Variants in DLGAP2 observed in about 807,000 individuals in gnomAD.
DLGAP2 encodes DLG associated protein 2, also known as disks large-associated protein 2.
A neutral mutation model predicts 100.3 loss-of-function variants in DLGAP2; 26 were observed. That is an observed-to-expected ratio of 0.26 (90% CI 0.19 to 0.36). The LOEUF (loss-of-function observed/expected upper bound fraction) is 0.36, where lower values mean the gene tolerates loss of function less well. DLGAP2 is among the 10% of genes least tolerant of loss of function. DLGAP2 has a pLI of 1.00. For missense variants in DLGAP2, 1,858 were observed against 1,453.2 expected, an observed-to-expected ratio of 1.28 and a Z score of -4.53; for synonymous variants, 886 against 630.1, an observed-to-expected ratio of 1.41 and a Z score of -6.08.
At chr8:1,571,750 G>T (rs1802699766) in intron 6 of DLGAP2, among the ~76,000 whole-genome samples, 1 of 139,936 alleles carries the variant, frequency 7.1e-6, no homozygotes, top group African/African-American at 2.8e-5. Context: ...GAGGAGAGAG[G>T]GTGAACTGTG....
chr8:1,375,043 G>T (rs1216282437), intron 3 of DLGAP2, among the ~76,000 whole-genome samples: 2 of 152,232 alleles, frequency 1.3e-5, no homozygotes, highest in Non-Finnish European at 2.9e-5. Context: ...CTGAGGTGCT[G>T]TTCATCTCCA....
chr8:1,036,204 A>G (rs1802117191), intron 2 of DLGAP2, among the ~76,000 whole-genome samples: 2 of 149,720 alleles, frequency 1.3e-5, no homozygotes, highest in Admixed American at 1.3e-4. Context: ...GTGGGTTCAC[A>G]GCCTCATCCC....
chr8:929,473 T>C (rs79446183), intron 2 of DLGAP2, among the ~76,000 whole-genome samples: 4 of 2,910 alleles, frequency 1.4e-3, no homozygotes, highest in African/African-American at 4.6e-3. Context: ...ATTCCCCCTC[T>C]AAACATCCCA....
chr8:1,442,265 C>T (rs1001204182), intron 3 of DLGAP2, among the ~76,000 whole-genome samples: 3 of 104,370 alleles, frequency 2.9e-5, no homozygotes, highest in Admixed American at 2.8e-4. Context: ...GCTGTGGGTT[C>T]AGCCACTGGA....
chr8:1,042,628 C>G (rs960692129), intron 2 of DLGAP2, among the ~76,000 whole-genome samples: 1 of 152,162 alleles, frequency 6.6e-6, no homozygotes. Context: ...CAGGGAAGGC[C>G]TCCACCCTGG....
chr8:1,354,164 C>G (rs1256792889), intron 3 of DLGAP2, among the ~76,000 whole-genome samples: 1 of 152,062 alleles, frequency 6.6e-6, no homozygotes, highest in Non-Finnish European at 1.5e-5. Context: ...CAGCATGAAC[C>G]GTTAAAAACA....
At chr8:1,522,451 A>G (rs1217341410) in intron 4 of DLGAP2, among the ~76,000 whole-genome samples, 2 of 152,206 alleles carry the variant, frequency 1.3e-5, no homozygotes, top group African/African-American at 2.4e-5. Flanking sequence ...CACGGGATCC[A>G]CAGTGCTGGG....
intron 2 of DLGAP2, among the ~76,000 whole-genome samples, chr8:1,037,204 C>T (rs560412839): frequency 3.3e-5 from 5 of 152,278 alleles, no homozygotes; most frequent in South Asian, 2.1e-4. Flanking sequence ...CGTCCCCTGC[C>T]GTCCTGTCCT....
intron 2 of DLGAP2, among the ~76,000 whole-genome samples, chr8:996,471 T>C (rs965909435): frequency 1.3e-5 from 2 of 152,022 alleles, no homozygotes; most frequent in Admixed American, 6.6e-5. Context: ...TGAAGGAACA[T>C]TGTGTTAGGG....
In DLGAP2 at chr8:1,701,286, C is replaced by T. The variant is rs768382902; in HGVS notation, c.3048C>T (p.Arg1016=). The change falls in exon 15 of 15, where the codon CGC becomes CGT. Residue 1016 remains arginine (R), a synonymous_variant. Transcript: ENST00000637795. ...EKSLDLPDRQ[R]QEARRRLMAA... is the part of the protein sequence containing the mutation. ...CCCTGGACCTGCCCGACAGACAACG[C>T]CAGGAAGCCCGGAGGCGCCTCATGG... 6.3e-7 allele frequency: 1 copy of T among 1,584,912 alleles called. No individual in the cohort carries two copies. The highest frequency in any genetic ancestry group is 8.6e-7 in the Non-Finnish European group (1 of 1,166,330).
chr8:752,736 C>T (rs576739787), intron 1 of DLGAP2, among the ~76,000 whole-genome samples: 1 of 152,082 alleles, frequency 6.6e-6, no homozygotes, highest in Non-Finnish European at 1.5e-5. Context: ...CAGGCTGTGC[C>T]CTTGAGGGAT....
chr8:1,025,081 TGTGCGC>T (rs1022216310), intron 2 of DLGAP2, among the ~76,000 whole-genome samples: 7 of 152,052 alleles, frequency 4.6e-5, no homozygotes, highest in African/African-American at 1.7e-4. Flanking sequence ...TGCATGTGTG[TGTGCGC>T]GTGTATGTGT....
chr8:1,142,053 A>G (rs146373197), intron 2 of DLGAP2, among the ~76,000 whole-genome samples: 3 of 148,420 alleles, frequency 2.0e-5, no homozygotes, highest in African/African-American at 7.4e-5. Flanking sequence ...AGAAGTGTCC[A>G]TATTCTGCCT....
At chr8:1,260,986 T>A (rs186464453) in intron 3 of DLGAP2, among the ~76,000 whole-genome samples, 130 of 152,340 alleles carry the variant, frequency 8.5e-4, no homozygotes, top group Admixed American at 4.2e-3. Flanking sequence ...TCACACATAC[T>A]GTCGGCTCCC....
At chr8:980,327 T>C (rs1800293538) in intron 2 of DLGAP2, among the ~76,000 whole-genome samples, 1 of 152,178 alleles carries the variant, frequency 6.6e-6, no homozygotes, top group Non-Finnish European at 1.5e-5. Context: ...GGGAAAGACA[T>C]GCTTTGGGCT....
chr8:1,242,553 A>G (rs1456243859), intron 2 of DLGAP2, among the ~76,000 whole-genome samples: 4 of 152,166 alleles, frequency 2.6e-5, no homozygotes, highest in South Asian at 4.1e-4. Context: ...TCCTCAAGGA[A>G]GCTCCCCCAG....
chr8:1,662,011 T>G (rs567715501), intron 8 of DLGAP2, among the ~76,000 whole-genome samples: 2 of 152,264 alleles, frequency 1.3e-5, no homozygotes, highest in South Asian at 2.1e-4. Flanking sequence ...CTGTGTGCTG[T>G]GCCACAGCAA....
chr8:832,167 T>G (rs1387711096), intron 1 of DLGAP2, among the ~76,000 whole-genome samples: 1 of 152,222 alleles, frequency 6.6e-6, no homozygotes, highest in Non-Finnish European at 1.5e-5. Flanking sequence ...GTAGGTTGCC[T>G]TTTCACTCTG....
At chr8:942,458 C>T (rs76435947) in intron 2 of DLGAP2, among the ~76,000 whole-genome samples, 1 of 152,224 alleles carries the variant, frequency 6.6e-6, no homozygotes, top group Admixed American at 6.5e-5. Flanking sequence ...TTTTCCCACT[C>T]ACATCATCCA....
Sources: allele counts gnomAD v4.1 joint callset (sites outside exome capture counted in the v4.1 genomes callset), GRCh38; gene constraint gnomAD v4.1.1; transcripts MANE v1.5; gene names NCBI Gene and HGNC (gene_info 2026-07-23, HGNC 2026-07-21).